DAB1: variants seen among roughly 807,000 people sequenced by gnomAD.
DAB1 encodes disabled homolog 1.
DAB1 carries 15 observed loss-of-function variants against 64.6 expected under a neutral mutation model. The ratio of observed to expected loss-of-function variants is 0.23; its 90% confidence interval spans 0.16 to 0.36. The LOEUF (loss-of-function observed/expected upper bound fraction) is 0.36. DAB1 is among the 10% of genes least tolerant of loss of function. The pLI is 1.00. For synonymous variants in DAB1, 235 were observed against 251.9 expected (o/e 0.93, Z 0.64); for missense variants, 596 against 706.7 (o/e 0.84, Z 1.78).
chr1:57,091,029 C>T (rs1251332440), intron 4 of DAB1, among the ~76,000 whole-genome samples: 3 of 152,126 alleles, frequency 2.0e-5, no homozygotes, highest in Non-Finnish European at 4.4e-5. Context: ...CCGCCCCACC[C>T]CAAACTGCTA....
At chr1:57,886,478 T>G (rs1255318105), upstream of DAB1, among the ~76,000 whole-genome samples, 2 of 152,306 alleles carry the variant, frequency 1.3e-5, no homozygotes, top group South Asian at 2.1e-4. Context: ...GTTAACACAT[T>G]TATCATCATA....
intron 1 of DAB1, among the ~76,000 whole-genome samples, chr1:57,347,769 T>C (rs370367853): frequency 5.0e-4 from 76 of 152,320 alleles, no homozygotes; most frequent in African/African-American, 1.8e-3. Flanking sequence ...AATTTGGTTT[T>C]AGGCTGTATT....
intron 5 of DAB1, among the ~76,000 whole-genome samples, chr1:58,121,948 A>G (rs536854902): frequency 2.0e-4 from 30 of 152,294 alleles, no homozygotes; most frequent in African/African-American, 7.2e-4. Flanking sequence ...GAGTTCTCCC[A>G]TGGCTCTGTG....
chr1:57,612,715 A>C (rs1645743096), intron 7 of DAB1, among the ~76,000 whole-genome samples: 1 of 152,220 alleles, frequency 6.6e-6, no homozygotes, highest in Admixed American at 6.5e-5. Flanking sequence ...CCTTAAAATA[A>C]TAAATTCACA....
At chr1:57,455,428 C>T (rs1350894826) in intron 7 of DAB1, among the ~76,000 whole-genome samples, 1 of 152,094 alleles carries the variant, frequency 6.6e-6, no homozygotes, top group Non-Finnish European at 1.5e-5. Flanking sequence ...GGAGCCTTGT[C>T]TCTTAATTAT....
intron 1 of DAB1, among the ~76,000 whole-genome samples, chr1:57,867,975 A>C (rs1262322252): frequency 6.6e-6 from 1 of 152,160 alleles, no homozygotes; most frequent in Non-Finnish European, 1.5e-5. Context: ...TTTCAAATGC[A>C]GTAAAGTTCC....
At chr1:57,958,634 C>T (rs1056934039) in intron 5 of DAB1, among the ~76,000 whole-genome samples, 5 of 152,174 alleles carry the variant, frequency 3.3e-5, no homozygotes, top group African/African-American at 1.2e-4. Context: ...GTGCCACTAA[C>T]TGGGTGGCTT....
intron 7 of DAB1, among the ~76,000 whole-genome samples, chr1:57,575,296 G>A (rs1645237273): frequency 6.6e-6 from 1 of 152,210 alleles, no homozygotes; most frequent in Non-Finnish European, 1.5e-5. Context: ...AGTGTTAATA[G>A]TACCTTTAAA....
chr1:58,366,559 C>A (rs1378945922), intron 3 of DAB1, among the ~76,000 whole-genome samples: 1 of 152,196 alleles, frequency 6.6e-6, no homozygotes, highest in African/African-American at 2.4e-5. Flanking sequence ...GTCCCAGGAA[C>A]CCAAGAGTGA....
chr1:57,033,302 A>G, intron 9 of DAB1: 3 of 1,438,010 alleles, frequency 2.1e-6, no homozygotes, highest in African/African-American at 2.8e-5. Context: ...GAAATCTGCC[A>G]TTCATGCAAG....
intron 1 of DAB1, among the ~76,000 whole-genome samples, chr1:57,392,886 T>C (rs1251526387): frequency 6.6e-6 from 1 of 152,154 alleles, no homozygotes; most frequent in Non-Finnish European, 1.5e-5. Context: ...GTGCCACCCA[T>C]TAAGCCACAG....
chr1:57,352,856 A>C (rs1325572960), intron 1 of DAB1, among the ~76,000 whole-genome samples: 1 of 152,114 alleles, frequency 6.6e-6, no homozygotes, highest in African/African-American at 2.4e-5. Flanking sequence ...TTTGTGGGTG[A>C]GCTTCCTCAA....
intron 3 of DAB1, among the ~76,000 whole-genome samples, chr1:58,499,089 G>A (rs1336092578): frequency 6.6e-6 from 1 of 151,884 alleles, no homozygotes; most frequent in Non-Finnish European, 1.5e-5. Context: ...TAACAGTATG[G>A]ATAAATCTGG....
At chr1:58,543,607 T>A (rs12142098) in intron 1 of DAB1, among the ~76,000 whole-genome samples, 1 of 151,972 alleles carries the variant, frequency 6.6e-6, no homozygotes, top group African/African-American at 2.4e-5. Flanking sequence ...ATGCAAACCC[T>A]GGCAACAGAA....
chr1:57,852,427 T>A (rs1230516331), intron 1 of DAB1, among the ~76,000 whole-genome samples: 2 of 152,158 alleles, frequency 1.3e-5, no homozygotes, highest in African/African-American at 4.8e-5. Context: ...CAGCTCCACA[T>A]ATTTCTCACC....
chr1:57,469,580 C>T (rs889493447), intron 7 of DAB1, among the ~76,000 whole-genome samples: 2 of 152,130 alleles, frequency 1.3e-5, no homozygotes, highest in African/African-American at 2.4e-5. Context: ...AATGCTCCTC[C>T]CATTGCTCAC....
intron 6 of DAB1, among the ~76,000 whole-genome samples, chr1:57,758,218 A>G (rs919915716): frequency 2.0e-5 from 3 of 152,210 alleles, no homozygotes; most frequent in Non-Finnish European, 2.9e-5. Flanking sequence ...CTTTTAATAC[A>G]TCTCATTTAA....
intron 2 of DAB1, among the ~76,000 whole-genome samples, chr1:57,227,203 A>G (rs1268411727): frequency 6.6e-6 from 1 of 152,194 alleles, no homozygotes; most frequent in Non-Finnish European, 1.5e-5. Flanking sequence ...TTTGTATCCT[A>G]AGCCTTAGTG....
chr1:57,682,409 G>T (rs1167225895), intron 6 of DAB1, among the ~76,000 whole-genome samples: 1 of 149,530 alleles, frequency 6.7e-6, no homozygotes, highest in Non-Finnish European at 1.5e-5. Flanking sequence ...CAGGAGTGCT[G>T]CTCCCACTGA....
Sources: allele counts gnomAD v4.1 joint callset (sites outside exome capture counted in the v4.1 genomes callset), GRCh38; gene constraint gnomAD v4.1.1; transcripts MANE v1.5; gene names NCBI Gene and HGNC (gene_info 2026-07-23, HGNC 2026-07-21).